Variants in TIMM23B observed in about 807,000 individuals in gnomAD.
TIMM23B encodes translocase of inner mitochondrial membrane 23 homolog B.
A neutral mutation model predicts 27.3 loss-of-function variants in TIMM23B; 27 were observed. The observed-to-expected ratio is 0.99, with a 90% CI of 0.73 to 1.36. The LOEUF is 1.36. Among genes scored for constraint, TIMM23B ranks in the 40% most tolerant of loss-of-function variants. TIMM23B has a pLI of 0.00. For missense variants in TIMM23B, 205 were observed against 244.2 expected, an observed-to-expected ratio of 0.84 and a Z score of 1.07; for synonymous variants, 73 against 92.4, an observed-to-expected ratio of 0.79 and a Z score of 1.21.
In TIMM23B at chr10:49,956,867, T is replaced by C. The variant is rs1221396837; in HGVS notation, c.404-1503T>C. Among the ~76,000 whole-genome samples, 2 of 147,522 alleles carry C rather than the reference T, an allele frequency of 1.4e-5. 1 individual carries two copies. Among genetic ancestry groups the C allele is most frequent in the Non-Finnish European group, 3.0e-5 (2 of 65,700 alleles). On this transcript the variant is annotated intron_variant, in intron 5 of 6. Transcript: ENST00000651259. Reference sequence around the variant, plus strand: ...CTAAATATAATTGCCATACTGACTTTTGTGTTGAAAAAAAAAAACAGTTTT... The same window carrying C: ...CTAAATATAATTGCCATACTGACTTCTGTGTTGAAAAAAAAAAACAGTTTT...
chr10:49,952,501 G>A lies in TIMM23B; in HGVS notation c.312G>A (p.Gln104=), dbSNP rs1199622590. The A allele has an allele frequency of 3.6e-5, 58 of 1,613,144 alleles. No individual in the cohort carries two copies. The highest frequency in any genetic ancestry group is 2.0e-4 in the Admixed American group (12 of 59,950). ...TTCGGCTAGGATTGAAGGAAACCCA[G>A]AACATGGCCTGGTCCAAACCAGGAA... ...NGLRLGLKET[Q]NMAWSKPGNV... The change falls in exon 4 of 7, where the codon CAG becomes CAA. Residue 104 remains glutamine (Q), a synonymous_variant. Coordinates refer to ENST00000651259, the MANE Select transcript of TIMM23B (RefSeq NM_001290117.2).
Position 49,955,080 on chromosome 10 carries a change from G to C in TIMM23B, c.403+20G>C. ...CTCTGGGTAAGTAGAGATCTCGTTT[G>C]ATAATAAATTGTTAACTTAAAGAAA... On this transcript the variant is annotated intron_variant, in intron 5 of 6. Transcript: ENST00000651259. The C allele has an allele frequency of 1.2e-6, 2 of 1,610,334 alleles. No homozygotes were observed. Among genetic ancestry groups the C allele is most frequent in the Non-Finnish European group, 1.7e-6 (2 of 1,177,040 alleles).
chr10:49,942,887 A>G (rs1839195343), intron 1 of TIMM23B, among the ~76,000 whole-genome samples: 3 of 152,234 alleles, frequency 2.0e-5, no homozygotes, highest in Admixed American at 2.0e-4. Context: ...CAAGGTATAC[A>G]GAGGCATAAA....
In TIMM23B at chr10:49,960,164, C is replaced by T. The variant is rs1331525086; in HGVS notation, c.514+1684C>T. ...CTGGGCTCAGGTGATCCATCTCAGC[C>T]TCCTGAGTAGCTGGGACTACAGGCA... On this transcript the variant is annotated intron_variant, in intron 6 of 6. Transcript: ENST00000651259. 5.3e-5 allele frequency among the ~76,000 whole-genome samples: 8 copies of T among 150,988 alleles called. No homozygotes were observed. The South Asian group carries it at 1.1e-3, about 20-fold the overall frequency.
chr10:49,948,882 T>TTC (rs1390292942), intron 2 of TIMM23B, among the ~76,000 whole-genome samples: 1 of 152,140 alleles, frequency 6.6e-6, no homozygotes, highest in Non-Finnish European at 1.5e-5. Flanking sequence ...TAACTCCATT[T>TTC]TCTCTCTCTC....
At chr10:49,943,615 G>A (rs1320855114) in intron 1 of TIMM23B, among the ~76,000 whole-genome samples, 3 of 151,242 alleles carry the variant, frequency 2.0e-5, no homozygotes, top group African/African-American at 4.9e-5. Flanking sequence ...TGACAATATT[G>A]TTAAATTAAT....
At position 49,961,855 on chromosome 10, in the gene TIMM23B, C is replaced by T. The variant is rs1212150346; in HGVS notation, c.514+3375C>T. Among the ~76,000 whole-genome samples the T allele has an allele frequency of 2.7e-5, 4 of 150,052 alleles. No individual in the cohort carries two copies. In the East Asian group the frequency reaches 5.8e-4, roughly 22 times the overall value. The stretch of plus-strand genomic sequence containing the variant: ...CAAGCAATCCTCCCACCTCAGCCTC[C>T]TGAGTTACTGGATTACAGGCATGAG... On this transcript the variant is annotated intron_variant, in intron 6 of 6. Transcript: ENST00000651259.
intron 6 of TIMM23B, among the ~76,000 whole-genome samples, chr10:49,966,724 C>T (rs1458715650): frequency 2.0e-5 from 3 of 151,764 alleles, no homozygotes; most frequent in Admixed American, 1.3e-4. Flanking sequence ...ACTTGGGAGG[C>T]AGAGAGAGGA....
chr10:49,971,177 G>A (rs1341279992), intron 6 of TIMM23B, among the ~76,000 whole-genome samples: 1 of 151,892 alleles, frequency 6.6e-6, no homozygotes, highest in Non-Finnish European at 1.5e-5. Flanking sequence ...AGTACCCAGG[G>A]ACACAAAAAC....
rs1441655880 is a variant in TIMM23B at position 49,955,734 on chromosome 10, G to A, written c.403+674G>A. 4.9e-3 allele frequency among the ~76,000 whole-genome samples: 742 copies of A among 152,262 alleles called. 10 individuals are homozygous for A. Among genetic ancestry groups the A allele is most frequent in the Middle Eastern group, 0.024 (7 of 294 alleles). On this transcript the variant is annotated intron_variant, in intron 5 of 6. Transcript: ENST00000651259. ...TTAAATTGTGGCAGATTAAGGAGGG[G>A]AAGACATAGAAAACTCATTGAAAAC...
In TIMM23B at chr10:49,945,031, G is replaced by A; in HGVS notation, c.107-1G>A. On this transcript the variant is annotated splice_acceptor_variant, in intron 1 of 6. Coordinates refer to ENST00000651259, the MANE Select transcript of TIMM23B (RefSeq NM_001290117.2). LOFTEE classifies it high-confidence loss of function. ...AATGTGACATTTTGTTTTCTCTCTA[G>A]TAACTGGTATGAACCCTCTGTGTCC... is the stretch of plus-strand genomic sequence containing the variant. The A allele has an allele frequency of 1.3e-6, 2 of 1,578,330 alleles. No individual in the cohort carries two copies. Among genetic ancestry groups the A allele is most frequent in the Non-Finnish European group, 1.7e-6 (2 of 1,148,564 alleles).
chr10:49,948,803 AT>A (rs1195870440), intron 2 of TIMM23B, among the ~76,000 whole-genome samples: 2 of 152,206 alleles, frequency 1.3e-5, no homozygotes, highest in Non-Finnish European at 2.9e-5. Flanking sequence ...ACAACTCTGA[AT>A]ATACTAAAAA....
In TIMM23B at chr10:49,954,360, A is replaced by G. The variant is rs1480246174; in HGVS notation, c.345-642A>G. ...TGCAAGGCAGAACTGTGCTTCCTTG[A>G]GAGTGTGCTGAGCATTCACCTTGGC... On this transcript the variant is annotated intron_variant, in intron 4 of 6. Transcript: ENST00000651259. 2,314 of 444,798 alleles carry G rather than the reference A, an allele frequency of 5.2e-3. 38 individuals are homozygous for G. Among genetic ancestry groups the G allele is most frequent in the African/African-American group, 0.039 (1,954 of 49,922 alleles). The allele number at this position is 444,798 out of a possible 1,614,324, so 27.6% of individuals were successfully genotyped here.
At chr10:49,944,623 A>T (rs1839298721) in intron 1 of TIMM23B, among the ~76,000 whole-genome samples, 1 of 152,126 alleles carries the variant, frequency 6.6e-6, no homozygotes, top group Admixed American at 6.5e-5. Flanking sequence ...ACAGTCAGAA[A>T]ACCCAACCCA....
At chr10:49,969,208 A>T (rs1275532494) in intron 6 of TIMM23B, among the ~76,000 whole-genome samples, 2 of 152,232 alleles carry the variant, frequency 1.3e-5, no homozygotes, top group South Asian at 4.1e-4. Flanking sequence ...CTATAATCCC[A>T]GCACTTTGGG....
intron 5 of TIMM23B, among the ~76,000 whole-genome samples, chr10:49,957,596 G>T (rs1839769004): frequency 5.3e-5 from 8 of 152,026 alleles, no homozygotes; most frequent in Non-Finnish European, 1.2e-4. Flanking sequence ...CCCAGTCAAG[G>T]AATACATAAG....
chr10:49,947,237 A>G (rs1278013708), intron 2 of TIMM23B, among the ~76,000 whole-genome samples: 2 of 152,250 alleles, frequency 1.3e-5, no homozygotes, highest in African/African-American at 2.4e-5. Flanking sequence ...TGTGACACCA[A>G]AAGCACAAGT....
At chr10:49,959,471 G>A (rs1423462131) in intron 6 of TIMM23B, among the ~76,000 whole-genome samples, 1 of 152,154 alleles carries the variant, frequency 6.6e-6, no homozygotes, top group African/African-American at 2.4e-5. Flanking sequence ...TAGTTTAGAA[G>A]CATACATCCA....
chr10:49,948,741 T>A (rs1384013182), intron 2 of TIMM23B, among the ~76,000 whole-genome samples: 7 of 152,168 alleles, frequency 4.6e-5, no homozygotes, highest in Non-Finnish European at 8.8e-5. Context: ...GGGTATGTGA[T>A]TTTTTTGGGG....
Sources: allele counts gnomAD v4.1 joint callset (sites outside exome capture counted in the v4.1 genomes callset), GRCh38; gene constraint gnomAD v4.1.1; transcripts MANE v1.5; gene names NCBI Gene and HGNC (gene_info 2026-07-23, HGNC 2026-07-21).